Variants in ATP6V1B1 observed in about 807,000 individuals in gnomAD.
The protein encoded by ATP6V1B1 is V-type proton ATPase subunit B, kidney isoform.
In ATP6V1B1, 41 loss-of-function variants were observed where a neutral mutation model predicts 62.1. That is an observed-to-expected ratio of 0.66 (90% CI 0.51 to 0.86). The LOEUF is 0.86. ATP6V1B1 is among the 40% of genes least tolerant of loss of function. ATP6V1B1 has a pLI of 0.00. For missense variants in ATP6V1B1, 651 were observed against 697.5 expected, an observed-to-expected ratio of 0.93 and a Z score of 0.75; for synonymous variants, 253 against 273.4, an observed-to-expected ratio of 0.93 and a Z score of 0.74.
chr2:70,962,869 A>C lies in ATP6V1B1; in HGVS notation c.878A>C (p.Asp293Ala). Reference sequence around the variant, plus strand: ...AAGCATGTGCTGGTCATACTGACGGACATGAGTTCCTATGCAGAGGCCTTG... The same window carrying C: ...AAGCATGTGCTGGTCATACTGACGGCCATGAGTTCCTATGCAGAGGCCTTG... ...CEKHVLVILT[D>A]MSSYAEALRE... Residue 293 changes from aspartate (D) to alanine (A), a missense_variant, in exon 9 of 14, where the codon GAC becomes GCC. Physicochemically the swap from Asp to Ala is moderately radical, Grantham distance 126. Coordinates refer to ENST00000234396, the MANE Select transcript of ATP6V1B1 (RefSeq NM_001692.4). 6.2e-7 allele frequency: 1 copy of C among 1,614,170 alleles called. No individual in the cohort carries two copies. The highest frequency in any genetic ancestry group is 8.5e-7 in the Non-Finnish European group (1 of 1,180,014).
chr2:70,945,699 G>GATTAT (rs1450719874), intron 2 of ATP6V1B1, among the ~76,000 whole-genome samples: 2 of 70,100 alleles, frequency 2.9e-5, no homozygotes, highest in African/African-American at 1.0e-4. Flanking sequence ...GCTATTTGAA[G>GATTAT]AGATATATAT....
chr2:70,936,556 GGGTGCATGTCGTATGT>G (rs1679858044), intron 1 of ATP6V1B1, among the ~76,000 whole-genome samples: 1 of 152,086 alleles, frequency 6.6e-6, no homozygotes, highest in African/African-American at 2.4e-5. Flanking sequence ...TCACATCAAT[GGGTGCATGTCGTATGT>G]GTGTTCTGAG....
chr2:70,965,167 G>A lies in ATP6V1B1; in HGVS notation c.*46G>A, dbSNP rs1553420871. 7 of 1,595,660 alleles carry A rather than the reference G, an allele frequency of 4.4e-6. No homozygotes were observed. The highest frequency in any genetic ancestry group is 3.3e-5 in the Admixed American group (2 of 59,882). On this transcript the variant is annotated 3_prime_UTR_variant, in exon 14 of 14. Coordinates refer to ENST00000234396, the MANE Select transcript of ATP6V1B1 (RefSeq NM_001692.4). Reference sequence around the variant, plus strand: ...CAACACCGGCAGGGAACCTACCCTCGGCTCCCGGGTCTCCCCTCCCTCGCC... The same window carrying A: ...CAACACCGGCAGGGAACCTACCCTCAGCTCCCGGGTCTCCCCTCCCTCGCC...
chr2:70,961,555 C>T (rs371146930), intron 7 of ATP6V1B1, 41 bp from the exon 8 acceptor site: 1 of 1,603,260 alleles, frequency 6.2e-7, no homozygotes, highest in Non-Finnish European at 8.5e-7. Flanking sequence ...TGCCCTCAGG[C>T]CACAGGGCCC....
At chr2:70,943,959 G>T (rs1680081558) in intron 2 of ATP6V1B1, 1 of 966,900 alleles carries the variant, frequency 1.0e-6, no homozygotes, top group African/African-American at 1.8e-5. Flanking sequence ...CCTGGGCCTT[G>T]GGAAACCTCC....
rs1387603875 is a variant in ATP6V1B1 at position 70,960,020 on chromosome 2, G to C, written c.527G>C (p.Ser176Thr). The change falls in exon 6 of 14, where the codon AGC becomes ACC. Residue 176 changes from serine (S) to threonine (T), a missense_variant. By Grantham distance (58) the Ser-to-Thr change is moderately conservative. Transcript: ENST00000234396. ...TGISPIDVMN[S>T]IARGQKIPIF... The stretch of plus-strand genomic sequence containing the variant: ...ATTTCTCCTATTGACGTCATGAACA[G>C]CATTGCCCGCGGCCAGAAGATCCCC... 6.2e-7 allele frequency: 1 copy of C among 1,614,098 alleles called. No individual in the cohort carries two copies. The highest frequency in any genetic ancestry group is 8.5e-7 in the Non-Finnish European group (1 of 1,180,050).
intron 2 of ATP6V1B1, among the ~76,000 whole-genome samples, chr2:70,954,252 GA>G (rs1261739507): frequency 6.6e-6 from 1 of 151,908 alleles, no homozygotes; most frequent in Non-Finnish European, 1.5e-5. Flanking sequence ...TTAAAGCTTT[GA>G]ATGCATCACA....
rs1680545844 is a variant in ATP6V1B1 at position 70,959,966 on chromosome 2, T to C, written c.473T>C (p.Ile158Thr). ...NGQPINPHSR[I>T]YPEEMIQTGI... ...CAGCCCATCAACCCGCACTCCCGCA[T>C]CTACCCCGAGGAGATGATTCAGACG... Residue 158 changes from isoleucine to threonine, a missense_variant, in exon 6 of 14, where the codon ATC becomes ACC. Transcript: ENST00000234396. The surrounding 1 kb of genome is among the most constrained non-coding windows in gnomAD (Gnocchi z 4.2). The C allele has an allele frequency of 4.3e-6, 7 of 1,614,022 alleles. No individual in the cohort carries two copies. The highest frequency in any genetic ancestry group is 5.9e-6 in the Non-Finnish European group (7 of 1,180,030).
intron 2 of ATP6V1B1, among the ~76,000 whole-genome samples, chr2:70,945,700 AG>A (rs1348838514): frequency 2.1e-5 from 1 of 47,760 alleles, no homozygotes; most frequent in African/African-American, 1.0e-4. Flanking sequence ...CTATTTGAAG[AG>A]ATATATATAT....
intron 2 of ATP6V1B1, among the ~76,000 whole-genome samples, chr2:70,951,601 C>T (rs571581472): frequency 1.3e-5 from 2 of 152,246 alleles, no homozygotes; most frequent in Admixed American, 6.5e-5. Context: ...CCTTCAACCA[C>T]CACCTTTAAA....
Position 70,959,802 on chromosome 2 carries a change from C to T in ATP6V1B1, c.446-137C>T, listed in dbSNP as rs1680540376. On this transcript the variant is annotated intron_variant, in intron 5 of 13. Transcript: ENST00000234396. This position sits in a 1 kb window ranked among gnomAD's most constrained non-coding sequence, Gnocchi z 4.2. Reference sequence around the variant, plus strand: ...CATTTGTATCTAGGGCTACATCAGGCAGCACGGCCAGAGCACGTTTCTATC... The same window carrying T: ...CATTTGTATCTAGGGCTACATCAGGTAGCACGGCCAGAGCACGTTTCTATC... 2 of 1,272,754 alleles carry T rather than the reference C, an allele frequency of 1.6e-6. No homozygotes were observed. The highest frequency in any genetic ancestry group is 2.2e-6 in the Non-Finnish European group (2 of 894,590). The allele number at this position is 1,272,754 out of a possible 1,614,324, so 78.8% of individuals were successfully genotyped here.
intron 2 of ATP6V1B1, among the ~76,000 whole-genome samples, chr2:70,946,487 C>T (rs543651745): frequency 1.4e-4 from 21 of 152,328 alleles, no homozygotes; most frequent in African/African-American, 4.8e-4. Flanking sequence ...GAATCAGAAG[C>T]TCTGGGGGTA....
chr2:70,936,696 G>A (rs1192835654), intron 1 of ATP6V1B1, among the ~76,000 whole-genome samples: 1 of 152,204 alleles, frequency 6.6e-6, no homozygotes. Context: ...GCAAAGGTGT[G>A]TGTGTGTGCA....
At chr2:70,945,384 T>A (rs1680131435) in intron 2 of ATP6V1B1, among the ~76,000 whole-genome samples, 1 of 152,130 alleles carries the variant, frequency 6.6e-6, no homozygotes, top group South Asian at 2.1e-4. Context: ...TGTAAAAATG[T>A]AACTTTCCCA....
At chr2:70,941,686 T>G (rs1350966990) in intron 1 of ATP6V1B1, 1 of 967,824 alleles carries the variant, frequency 1.0e-6, no homozygotes, top group Non-Finnish European at 1.2e-6. Context: ...AAGGCATCCA[T>G]GCAGTAGATA....
chr2:70,946,678 G>C (rs537186147), intron 2 of ATP6V1B1, among the ~76,000 whole-genome samples: 1 of 152,326 alleles, frequency 6.6e-6, no homozygotes, highest in East Asian at 1.9e-4. Flanking sequence ...CAATGTTTCT[G>C]CCTGGAATGC....
At chr2:70,951,033 C>A (rs1680313019) in intron 2 of ATP6V1B1, among the ~76,000 whole-genome samples, 2 of 148,924 alleles carry the variant, frequency 1.3e-5, no homozygotes, top group African/African-American at 2.5e-5. Context: ...ACCTCCAGCT[C>A]CCCGGTTCAA....
chr2:70,953,585 G>A (rs1321061875), intron 2 of ATP6V1B1, among the ~76,000 whole-genome samples: 2 of 151,916 alleles, frequency 1.3e-5, no homozygotes, highest in African/African-American at 4.8e-5. Flanking sequence ...TTATAACTTG[G>A]TCTTTTTTAT....
At chr2:70,951,045 C>T (rs1396043067) in intron 2 of ATP6V1B1, among the ~76,000 whole-genome samples, 2 of 145,446 alleles carry the variant, frequency 1.4e-5, no homozygotes, top group Non-Finnish European at 3.0e-5. Context: ...CCGGTTCAAG[C>T]GATTCTTCTG....
Sources: allele counts gnomAD v4.1 joint callset (sites outside exome capture counted in the v4.1 genomes callset), GRCh38; gene constraint gnomAD v4.1.1; non-coding constraint Gnocchi (gnomAD v3.1); transcripts MANE v1.5; gene names NCBI Gene and HGNC (gene_info 2026-07-23, HGNC 2026-07-21).